ZNF804B: variants seen among roughly 807,000 people sequenced by gnomAD.
ZNF804B encodes the protein zinc finger protein 804B.
ZNF804B carries 80 observed loss-of-function variants against 101.4 expected under a neutral mutation model. That is an observed-to-expected ratio of 0.79 (90% CI 0.66 to 0.95). The LOEUF is 0.95. Among genes scored for constraint, ZNF804B ranks in the 40% least tolerant of loss-of-function variants. The probability of loss-of-function intolerance (pLI) is 0.00; values close to 1 mark genes in which losing one functional copy is unlikely to be tolerated. For synonymous variants in ZNF804B, 622 were observed against 558.8 expected, an observed-to-expected ratio of 1.11 and a Z score of -1.59; for missense variants, 1,673 against 1,561.9, an observed-to-expected ratio of 1.07 and a Z score of -1.20.
At chr7:88,831,825 A>G (rs1267763687) in intron 1 of ZNF804B, among the ~76,000 whole-genome samples, 1 of 151,934 alleles carries the variant, frequency 6.6e-6, no homozygotes, top group East Asian at 1.9e-4. Flanking sequence ...AAGAGCTTAT[A>G]TATGAAATAT....
chr7:89,039,612 C>T (rs987796261), intron 1 of ZNF804B, among the ~76,000 whole-genome samples: 1 of 150,620 alleles, frequency 6.6e-6, no homozygotes, highest in Non-Finnish European at 1.5e-5. Flanking sequence ...GTATAATCAT[C>T]TAAAAACAGA....
At chr7:89,235,515 T>C (rs1197980792) in intron 2 of ZNF804B, among the ~76,000 whole-genome samples, 1 of 152,210 alleles carries the variant, frequency 6.6e-6, no homozygotes, top group Non-Finnish European at 1.5e-5. Flanking sequence ...TTAAGGAAAC[T>C]GGAATACATT....
chr7:88,858,179 TA>T (rs1423033038), intron 1 of ZNF804B, among the ~76,000 whole-genome samples: 3 of 152,110 alleles, frequency 2.0e-5, no homozygotes, highest in Non-Finnish European at 4.4e-5. Context: ...CACTAATTCA[TA>T]AATAGCAAAA....
intron 1 of ZNF804B, among the ~76,000 whole-genome samples, chr7:88,997,257 T>A (rs1435871278): frequency 1.3e-5 from 2 of 152,060 alleles, no homozygotes; most frequent in Non-Finnish European, 1.5e-5. Context: ...TTTAAAGTGG[T>A]TACCTCATTT....
At chr7:89,280,434 C>T (rs1790072739) in intron 2 of ZNF804B, among the ~76,000 whole-genome samples, 1 of 151,794 alleles carries the variant, frequency 6.6e-6, no homozygotes, top group African/African-American at 2.4e-5. Context: ...GAAATAGAGA[C>T]ACAAAAAACC....
At chr7:89,294,433 T>A (rs1466459854) in intron 2 of ZNF804B, among the ~76,000 whole-genome samples, 2 of 152,188 alleles carry the variant, frequency 1.3e-5, no homozygotes, top group African/African-American at 2.4e-5. Flanking sequence ...TGACACTAAT[T>A]CTTGCTCTAT....
intron 1 of ZNF804B, among the ~76,000 whole-genome samples, chr7:88,945,976 A>G (rs1174593252): frequency 3.9e-5 from 6 of 152,126 alleles, no homozygotes; most frequent in Admixed American, 3.9e-4. Flanking sequence ...TTATCCACTT[A>G]AGGAGATTTT....
At chr7:89,279,701 C>A (rs559810355) in intron 2 of ZNF804B, among the ~76,000 whole-genome samples, 5,571 of 152,066 alleles carry the variant, frequency 0.037, 316 homozygotes, top group African/African-American at 0.13. Context: ...AGGGATGAAG[C>A]CCACTTGATC....
chr7:88,820,655 G>C (rs1260787981), intron 1 of ZNF804B, among the ~76,000 whole-genome samples: 2 of 152,148 alleles, frequency 1.3e-5, no homozygotes, highest in Non-Finnish European at 1.5e-5. Flanking sequence ...GTGGCTGCCT[G>C]TGGGAAACTC....
At chr7:88,901,912 A>G (rs1792397128) in intron 1 of ZNF804B, among the ~76,000 whole-genome samples, 1 of 151,904 alleles carries the variant, frequency 6.6e-6, no homozygotes, top group African/African-American at 2.4e-5. Flanking sequence ...ACTAAAACCT[A>G]AAATAACTTA....
chr7:89,285,522 CAA>C (rs778078214), intron 2 of ZNF804B, among the ~76,000 whole-genome samples: 13 of 22,384 alleles, frequency 5.8e-4, no homozygotes, highest in Non-Finnish European at 8.2e-4. Context: ...GACTCTGTCT[CAA>C]AAAAAAAAAA....
chr7:89,233,047 G>A (rs1230650803), intron 2 of ZNF804B, among the ~76,000 whole-genome samples: 5 of 151,754 alleles, frequency 3.3e-5, no homozygotes, highest in Non-Finnish European at 7.4e-5. Flanking sequence ...TCAGCCTCCC[G>A]AGTAGCTGGG....
intron 2 of ZNF804B, among the ~76,000 whole-genome samples, chr7:89,287,060 G>C (rs1334641327): frequency 2.0e-5 from 3 of 151,902 alleles, no homozygotes; most frequent in African/African-American, 7.3e-5. Flanking sequence ...TCCACTTAAT[G>C]AATAGTAAAT....
At chr7:89,070,998 C>A (rs73216664) in intron 1 of ZNF804B, among the ~76,000 whole-genome samples, 2,061 of 152,180 alleles carry the variant, frequency 0.014, 20 homozygotes, top group Non-Finnish European at 0.021. Flanking sequence ...GCTCAAGTCT[C>A]CCATATAAAA....
At chr7:89,062,675 G>C (rs149049450) in intron 1 of ZNF804B, among the ~76,000 whole-genome samples, 4 of 152,106 alleles carry the variant, frequency 2.6e-5, no homozygotes, top group African/African-American at 7.2e-5. Context: ...TCAGGGAATT[G>C]ACTGCTGACG....
chr7:88,878,142 A>G (rs1583993094), intron 1 of ZNF804B, among the ~76,000 whole-genome samples: 1 of 152,172 alleles, frequency 6.6e-6, no homozygotes, highest in African/African-American at 2.4e-5. Flanking sequence ...AAGATAACTC[A>G]TTATTCTCAT....
chr7:89,323,026 T>A (rs1017713976), intron 2 of ZNF804B, among the ~76,000 whole-genome samples: 1 of 152,214 alleles, frequency 6.6e-6, no homozygotes. Flanking sequence ...TGGGAGGTGA[T>A]TGGACATGAG....
chr7:88,918,444 G>A (rs1035088189), intron 1 of ZNF804B, among the ~76,000 whole-genome samples: 1 of 151,958 alleles, frequency 6.6e-6, no homozygotes, highest in Non-Finnish European at 1.5e-5. Context: ...TATGATTTTC[G>A]CATGAGTTAT....
chr7:89,015,017 G>A (rs1388987444), intron 1 of ZNF804B, among the ~76,000 whole-genome samples: 1 of 152,046 alleles, frequency 6.6e-6, no homozygotes, highest in African/African-American at 2.4e-5. Context: ...ATTTTGAGTT[G>A]ATTTTTTGCA....
Sources: gnomAD v4.1 joint callset for allele counts (sites outside exome capture counted in the v4.1 genomes callset) on GRCh38, gnomAD v4.1.1 for gene constraint, MANE v1.5 for transcripts, NCBI Gene and HGNC (gene_info 2026-07-23, HGNC 2026-07-21) for gene names.